ZC3H7B: variants seen among roughly 807,000 people sequenced by gnomAD.
ZC3H7B encodes zinc finger CCCH-type containing 7B.
ZC3H7B carries 35 observed loss-of-function variants against 116.0 expected under a neutral mutation model. The observed-to-expected ratio is 0.30, with a 90% CI of 0.23 to 0.40. The LOEUF is 0.40. ZC3H7B is among the 10% of genes least tolerant of loss of function. The pLI is 1.00. For synonymous variants in ZC3H7B, 502 were observed against 545.6 expected (o/e 0.92, Z 1.11); for missense variants, 1,011 against 1,321.5 (o/e 0.77, Z 3.64).
intron 6 of ZC3H7B, among the ~76,000 whole-genome samples, chr22:41,331,004 G>A (rs904219202): frequency 6.8e-6 from 1 of 147,334 alleles, no homozygotes; most frequent in Non-Finnish European, 1.5e-5. Flanking sequence ...CGAGTAGCTG[G>A]GATTACAGGC....
chr22:41,337,099 G>A (rs1373454865), intron 7 of ZC3H7B, among the ~76,000 whole-genome samples: 2 of 152,054 alleles, frequency 1.3e-5, no homozygotes, highest in East Asian at 1.9e-4. Context: ...TCGCACCATT[G>A]CACTCCAGCC....
chr22:41,327,432 C>G lies in ZC3H7B; in HGVS notation c.444+68C>G, dbSNP rs910298427. ...CAGGCTTCTGACCTTCCGGCCCTCA[C>G]TTGGGCCCAGCCACCACATCCTTCT... On this transcript the variant is annotated intron_variant, in intron 5 of 22. Coordinates refer to ENST00000352645, the MANE Select transcript of ZC3H7B (RefSeq NM_017590.6). The surrounding 1 kb of genome is among the most constrained non-coding windows in gnomAD (Gnocchi z 4.5). 1.3e-6 allele frequency: 2 copies of G among 1,564,986 alleles called. No homozygotes were observed. The highest frequency in any genetic ancestry group is 1.7e-6 in the Non-Finnish European group (2 of 1,158,332).
intron 1 of ZC3H7B, among the ~76,000 whole-genome samples, chr22:41,310,213 G>C (rs1023622518): frequency 1.3e-5 from 2 of 152,046 alleles, no homozygotes; most frequent in Non-Finnish European, 2.9e-5. Context: ...AATCAACATT[G>C]AGTGATTGAA....
chr22:41,357,096 G>A lies in ZC3H7B; in HGVS notation c.2682-81G>A. ...CCAGGGAGAGGCTTGTCTTCGGGGA[G>A]GTCAAGCGGCCGGCCCCAGATGGAC... On this transcript the variant is annotated intron_variant, in intron 22 of 22. Coordinates refer to ENST00000352645, the MANE Select transcript of ZC3H7B (RefSeq NM_017590.6). This position sits in a 1 kb window ranked among gnomAD's most constrained non-coding sequence, Gnocchi z 5.4. 6.4e-7 allele frequency: 1 copy of A among 1,557,702 alleles called. No individual in the cohort carries two copies. Among genetic ancestry groups the A allele is most frequent in the Non-Finnish European group, 8.6e-7 (1 of 1,156,246 alleles).
intron 12 of ZC3H7B, 63 bp downstream of exon 12, chr22:41,342,691 G>C: frequency 7.0e-7 from 1 of 1,437,754 alleles, no homozygotes; most frequent in Non-Finnish European, 9.5e-7. Context: ...AGGAACATGG[G>C]ATCCCAGATC....
chr22:41,345,934 G>T, intron 13 of ZC3H7B, 69 bp from the exon 14 acceptor site: 1 of 1,522,134 alleles, frequency 6.6e-7, no homozygotes, highest in East Asian at 2.3e-5. Flanking sequence ...AGGCCGCAGC[G>T]GGGTGGCGAG....
intron 10 of ZC3H7B, 141 bp downstream of exon 10, chr22:41,340,278 G>A: frequency 1.1e-6 from 1 of 944,350 alleles, no homozygotes; most frequent in South Asian, 1.7e-5. Context: ...ATGTCTGTGT[G>A]TTGCCGTCTC....
chr22:41,353,862 C>G (rs926374674), intron 17 of ZC3H7B, among the ~76,000 whole-genome samples: 4 of 152,230 alleles, frequency 2.6e-5, no homozygotes, highest in African/African-American at 9.6e-5. Flanking sequence ...GTCCTCTTTT[C>G]CCCTCCCCAT....
rs2036740189 is a variant in ZC3H7B at position 41,357,596 on chromosome 22, T to C, written c.*167T>C. On this transcript the variant is annotated 3_prime_UTR_variant, in exon 23 of 23. Transcript: ENST00000352645. The surrounding 1 kb of genome is among the most constrained non-coding windows in gnomAD (Gnocchi z 5.4). ...TCTTCTCCCCACCACCGCCCCGGTG[T>C]GCGTACCCAGGCGCACGTGCTGCAG... 4 of 1,002,172 alleles carry C rather than the reference T, an allele frequency of 4.0e-6. No homozygotes were observed. Among genetic ancestry groups the C allele is most frequent in the Non-Finnish European group, 5.7e-6 (4 of 706,246 alleles). The allele number at this position is 1,002,172 out of a possible 1,614,324, so 62.1% of individuals were successfully genotyped here.
intron 17 of ZC3H7B, among the ~76,000 whole-genome samples, chr22:41,352,525 G>C (rs1275348405): frequency 6.6e-6 from 1 of 152,232 alleles, no homozygotes; most frequent in Non-Finnish European, 1.5e-5. Flanking sequence ...GCCTTTGGGA[G>C]ACTGAGGCGG....
At chr22:41,312,857 C>T (rs971538117) in intron 1 of ZC3H7B, among the ~76,000 whole-genome samples, 3 of 151,924 alleles carry the variant, frequency 2.0e-5, no homozygotes, top group East Asian at 1.9e-4. Flanking sequence ...TTTGAAGTGA[C>T]CTCCAGCTTA....
At chr22:41,310,615 C>T (rs1207352967) in intron 1 of ZC3H7B, among the ~76,000 whole-genome samples, 1 of 152,218 alleles carries the variant, frequency 6.6e-6, no homozygotes, top group African/African-American at 2.4e-5. Context: ...GGGTATGCCA[C>T]AGTGTTAGAC....
rs71202700 is a variant in ZC3H7B at position 41,319,568 on chromosome 22, T to TAA, written c.-6-1067_-6-1066dup. Among the ~76,000 whole-genome samples the TAA allele has an allele frequency of 2.7e-3, 177 of 65,638 alleles. 2 individuals carry two copies. The highest frequency in any genetic ancestry group is 9.0e-3 in the African/African-American group (161 of 17,936). The allele number at this position is 65,638 out of a possible 152,430, so 43.1% of individuals were successfully genotyped here. A position where few individuals can be genotyped will look rare whatever the true frequency, so the allele number is the denominator to read the frequency against. ...CTGGGCAACAGAGTGAGTCTCCGGC[T>TAA]AAAAAAAAAAAAAAAAAAAAAGGTC... On this transcript the variant is annotated intron_variant, in intron 1 of 22. Transcript: ENST00000352645.
In ZC3H7B at chr22:41,358,422, G is replaced by T. The variant is rs1164570009; in HGVS notation, c.*993G>T. On this transcript the variant is annotated 3_prime_UTR_variant, in exon 23 of 23. Transcript: ENST00000352645. The stretch of plus-strand genomic sequence containing the variant: ...GGTCCCTTTGGGTGCAGCAGCAGAG[G>T]TCACCTCCTGACATGCGCTCTGGGA... 6.6e-6 allele frequency: 1 copy of T among 152,368 alleles called. No homozygotes were observed. The highest frequency in any genetic ancestry group is 1.5e-5 in the Non-Finnish European group (1 of 68,200). 9.4% of individuals were successfully genotyped at this position (152,368 alleles called of 1,614,324 possible). A position where few individuals can be genotyped will look rare whatever the true frequency, so the allele number is the denominator to read the frequency against.
At chr22:41,328,909 G>A (rs1332821540) in intron 5 of ZC3H7B, among the ~76,000 whole-genome samples, 2 of 151,728 alleles carry the variant, frequency 1.3e-5, no homozygotes, top group African/African-American at 4.8e-5. Flanking sequence ...AGAGATGGCC[G>A]GGCACAGTGG....
Position 41,320,676 on chromosome 22 carries a change from C to A in ZC3H7B, c.16C>A (p.Arg6=). ...CCAGAGACTGATGGAGAGGCAGAAA[C>A]GGAAGGCGGACATCGAGAAAGGGCT... MERQK[R]KADIEKGLQF... is the part of the protein sequence containing the mutation. The change falls in exon 2 of 23, where the codon CGG becomes AGG. Residue 6 remains arginine (R), a synonymous_variant. Coordinates refer to ENST00000352645, the MANE Select transcript of ZC3H7B (RefSeq NM_017590.6). 6.2e-7 allele frequency: 1 copy of A among 1,607,756 alleles called. No individual in the cohort carries two copies. Among genetic ancestry groups the A allele is most frequent in the Non-Finnish European group, 8.5e-7 (1 of 1,176,100 alleles).
rs200213048 is a variant in ZC3H7B, at chr22:41,346,233, C to T, written c.1665+25C>T. The T allele has an allele frequency of 1.4e-4, 222 of 1,603,340 alleles. No individual in the cohort carries two copies. Among genetic ancestry groups the T allele is most frequent in the Non-Finnish European group, 1.9e-5 (22 of 1,178,360 alleles). Reference sequence around the variant, plus strand: ...GGTACTGCCCACCCACCCACTGCCACCCCATAGGCCATGGCACAGACAGGG... The same window carrying T: ...GGTACTGCCCACCCACCCACTGCCATCCCATAGGCCATGGCACAGACAGGG... On this transcript the variant is annotated intron_variant, in intron 14 of 22. Coordinates refer to ENST00000352645, the MANE Select transcript of ZC3H7B (RefSeq NM_017590.6). The surrounding 1 kb of genome is among the most constrained non-coding windows in gnomAD (Gnocchi z 5.3).
chr22:41,356,424 C>G lies in ZC3H7B; in HGVS notation c.2465C>G (p.Ser822Cys). The G allele has an allele frequency of 6.2e-7, 1 of 1,614,164 alleles. No homozygotes were observed. The highest frequency in any genetic ancestry group is 8.5e-7 in the Non-Finnish European group (1 of 1,180,030). Reference sequence around the variant, plus strand: ...CCTGGAGAAGGGACCCCCATCAGTTCTCGGGAAGGGGAGAAGCAGATCCAG... The same window carrying G: ...CCTGGAGAAGGGACCCCCATCAGTTGTCGGGAAGGGGAGAAGCAGATCCAG... ...GKPGEGTPISSREGEKQIQMP... is the reference protein window; with the variant it reads ...GKPGEGTPISCREGEKQIQMP... The change falls in exon 21 of 23, where the codon TCT (serine) becomes TGT (cysteine). Residue 822 changes from serine (S) to cysteine (C), a missense_variant. Around this residue, in one of 5 missense-constraint regions of ZC3H7B, gnomAD observed 406 missense variants for 590.2 expected, o/e 0.69. Coordinates refer to ENST00000352645, the MANE Select transcript of ZC3H7B (RefSeq NM_017590.6).
At position 41,343,523 on chromosome 22, in the gene ZC3H7B, T is replaced by TCCGGCC; in HGVS notation, c.1414_1419dup (p.Arg472_Pro473dup). On this transcript the variant is annotated inframe_insertion, in exon 13 of 23. Coordinates refer to ENST00000352645, the MANE Select transcript of ZC3H7B (RefSeq NM_017590.6). Reference sequence around the variant, plus strand: ...TCGGAGGACCAGACCTGGAAGCGGATCCGGCCCCGGCCCACTAAGACCAGC... The same window carrying TCCGGCC: ...TCGGAGGACCAGACCTGGAAGCGGATCCGGCCCCGGCCCCGGCCCACTAAGACCAGC... The TCCGGCC allele has an allele frequency of 1.2e-6, 2 of 1,613,316 alleles. No individual in the cohort carries two copies. Among genetic ancestry groups the TCCGGCC allele is most frequent in the African/African-American group, 1.3e-5 (1 of 75,028 alleles).
Sources: gnomAD v4.1 joint callset for allele counts (sites outside exome capture counted in the v4.1 genomes callset) on GRCh38, gnomAD v4.1.1 for gene constraint, gnomAD v4.1.1 regional missense constraint, Gnocchi (gnomAD v3.1) non-coding constraint, MANE v1.5 for transcripts, NCBI Gene and HGNC (gene_info 2026-07-23, HGNC 2026-07-21) for gene names.